The following TEX11 variants were observed in gnomAD, a reference collection of about 807,000 sequenced individuals.
TEX11 encodes the protein testis-expressed protein 11.
Under a neutral mutation model 84.4 loss-of-function variants are expected in TEX11, and 7 were observed. The observed-to-expected ratio is 0.08, with a 90% CI of 0.05 to 0.16. The LOEUF (loss-of-function observed/expected upper bound fraction) is 0.16. Ranked by LOEUF, TEX11 falls within the 10% of genes least tolerant of loss-of-function variation. The pLI is 1.00. For synonymous variants in TEX11, 264 were observed against 222.8 expected, an observed-to-expected ratio of 1.18 and a Z score of -1.64; for missense variants, 551 against 660.5, an observed-to-expected ratio of 0.83 and a Z score of 1.82.
chrX:70,558,113 C>T (rs2088313537), intron 25 of TEX11, among the ~76,000 whole-genome samples: 1 of 111,115 alleles, frequency 9.0e-6, no homozygotes, highest in African/African-American at 3.3e-5. Context: ...CACCATTGCA[C>T]TCCAGCCTGG....
intron 9 of TEX11, among the ~76,000 whole-genome samples, chrX:70,799,939 C>T (rs73544774): frequency 0.02 from 2,259 of 111,326 alleles, 55 homozygotes; most frequent in African/African-American, 0.07. Context: ...TTAATTTTTT[C>T]CTCACAAATT....
At chrX:70,682,283 A>G (rs750246346) in intron 14 of TEX11, among the ~76,000 whole-genome samples, 8 of 111,214 alleles carry the variant, frequency 7.2e-5, no homozygotes, top group Non-Finnish European at 1.5e-4. Context: ...GAAGTTAGAA[A>G]CCAGGAGTTT....
At chrX:70,808,963 C>T (rs1386207199) in intron 8 of TEX11, among the ~76,000 whole-genome samples, 1 of 111,403 alleles carries the variant, frequency 9.0e-6, no homozygotes, top group Non-Finnish European at 1.9e-5. Flanking sequence ...GGAGGATATG[C>T]CCCACAAAAT....
chrX:70,849,791 C>G (rs1225077007), intron 7 of TEX11, among the ~76,000 whole-genome samples: 1 of 112,056 alleles, frequency 8.9e-6, no homozygotes, highest in Non-Finnish European at 1.9e-5. Flanking sequence ...GTTCTCATTA[C>G]TGATTATAAC....
At chrX:70,641,447 C>T (rs2089656969) in intron 17 of TEX11, among the ~76,000 whole-genome samples, 1 of 111,062 alleles carries the variant, frequency 9.0e-6, no homozygotes, top group Non-Finnish European at 1.9e-5. Context: ...CTCTCCACCC[C>T]AAATCAACAG....
intron 13 of TEX11, among the ~76,000 whole-genome samples, chrX:70,713,307 A>C (rs1196696426): frequency 8.9e-5 from 10 of 111,827 alleles, no homozygotes; most frequent in Non-Finnish European, 1.7e-4. Flanking sequence ...TGGCCTCATA[A>C]AGTGAGTTAC....
chrX:70,641,856 G>A lies in TEX11; in HGVS notation c.1483+9594C>T, dbSNP rs147586181. Among the ~76,000 whole-genome samples, 9 of 110,869 alleles carry A rather than the reference G, an allele frequency of 8.1e-5. No individual in the cohort carries two copies. The Admixed American group carries it at 8.7e-4, about 11-fold the overall frequency. On this transcript the variant is annotated intron_variant, in intron 17 of 29. Coordinates refer to ENST00000374333, the MANE Select transcript of TEX11 (RefSeq NM_031276.3). ...TGACACCCTAACATCACAGTTAAAA[G>A]AACTAGAAAAGCAAGAGCAAACACA...
intron 13 of TEX11, among the ~76,000 whole-genome samples, chrX:70,695,464 AG>A (rs2090272189): frequency 8.9e-6 from 1 of 112,095 alleles, no homozygotes; most frequent in Admixed American, 9.4e-5. Flanking sequence ...TGTCTGATGA[AG>A]GAGAGGTAGG....
intron 2 of TEX11, among the ~76,000 whole-genome samples, chrX:70,886,016 A>G (rs990818920): frequency 9.0e-6 from 1 of 111,560 alleles, no homozygotes; most frequent in East Asian, 2.8e-4. Flanking sequence ...TGCAGCTGCT[A>G]TGGAACACAG....
intron 2 of TEX11, among the ~76,000 whole-genome samples, chrX:70,891,128 A>G (rs376362306): frequency 6.9e-4 from 77 of 112,399 alleles, no homozygotes; most frequent in African/African-American, 2.4e-3. Context: ...ACAGACCTGC[A>G]GCTGAGGGAC....
At chrX:70,792,525 GA>G (rs1178905372) in intron 9 of TEX11, among the ~76,000 whole-genome samples, 184 of 98,297 alleles carry the variant, frequency 1.9e-3, no homozygotes, top group African/African-American at 5.7e-3. Context: ...GCTAACAAAA[GA>G]AAAAAAAATG....
chrX:70,636,149 C>G (rs941634509), intron 17 of TEX11, among the ~76,000 whole-genome samples: 1 of 110,554 alleles, frequency 9.0e-6, no homozygotes, highest in Admixed American at 9.5e-5. Context: ...ACACATCCAT[C>G]CCCCAGGCTG....
chrX:70,564,421 T>C (rs999882761), intron 25 of TEX11, among the ~76,000 whole-genome samples: 8 of 111,086 alleles, frequency 7.2e-5, no homozygotes, highest in African/African-American at 2.6e-4. Context: ...ATTATTATAA[T>C]ACTTTAAGTT....
At chrX:70,825,682 T>G (rs1374567533) in intron 8 of TEX11, among the ~76,000 whole-genome samples, 1 of 112,237 alleles carries the variant, frequency 8.9e-6, no homozygotes, top group African/African-American at 3.2e-5. Flanking sequence ...GTTTTTCCAG[T>G]AAAATCACTT....
intron 25 of TEX11, among the ~76,000 whole-genome samples, chrX:70,576,364 T>C (rs977649096): frequency 8.0e-5 from 9 of 112,421 alleles, no homozygotes; most frequent in African/African-American, 2.9e-4. Flanking sequence ...CTCATTATTT[T>C]AAGCATTAGT....
At chrX:70,897,568 C>T (rs1303312292) in intron 2 of TEX11, 1 of 95,050 alleles carries the variant, frequency 1.1e-5, no homozygotes, top group Non-Finnish European at 2.0e-5. Context: ...CCAGCCTGGA[C>T]AACAGAGACA....
At chrX:70,629,840 T>C in intron 17 of TEX11, 105 bp from the exon 18 acceptor site, 1 of 652,684 alleles carries the variant, frequency 1.5e-6, no homozygotes, top group Admixed American at 4.6e-5. Flanking sequence ...TTTAAGAACA[T>C]TTTTAAAATG....
intron 17 of TEX11, among the ~76,000 whole-genome samples, chrX:70,647,570 G>A (rs767074900): frequency 1.8e-5 from 2 of 109,313 alleles, no homozygotes; most frequent in East Asian, 2.9e-4. Context: ...AAAAAGATGA[G>A]GTGGAGGATC....
At chrX:70,696,251 G>A (rs1042413654) in intron 13 of TEX11, among the ~76,000 whole-genome samples, 1 of 111,087 alleles carries the variant, frequency 9.0e-6, no homozygotes, top group African/African-American at 3.3e-5. Flanking sequence ...GTGTGTGTAC[G>A]TGTGTGTGTG....
Sources: gnomAD v4.1 joint callset for allele counts (sites outside exome capture counted in the v4.1 genomes callset) on GRCh38, gnomAD v4.1.1 for gene constraint, MANE v1.5 for transcripts, NCBI Gene and HGNC (gene_info 2026-07-23, HGNC 2026-07-21) for gene names.